MSN: variants seen among roughly 807,000 people sequenced by gnomAD.
MSN encodes the protein moesin.
MSN carries 2 observed loss-of-function variants against 48.0 expected under a neutral mutation model. That is an observed-to-expected ratio of 0.04 (90% CI 0.02 to 0.13). The LOEUF (loss-of-function observed/expected upper bound fraction) is 0.13, where lower values mean the gene tolerates loss of function less well. MSN is among the 10% of genes least tolerant of loss of function. The pLI, the probability that MSN is intolerant of heterozygous loss-of-function variation, is 1.00. For synonymous variants in MSN, 146 were observed against 166.9 expected, an observed-to-expected ratio of 0.87 and a Z score of 0.97; for missense variants, 267 against 470.1, an observed-to-expected ratio of 0.57 and a Z score of 3.99.
chrX:65,645,250 G>A (rs962320800), intron 1 of MSN, among the ~76,000 whole-genome samples: 2 of 111,922 alleles, frequency 1.8e-5, no homozygotes, highest in African/African-American at 6.5e-5. Context: ...TCTGATAGCT[G>A]ATAGCTGGCC....
Position 65,732,116 on chromosome X carries a change from T to C in MSN, c.698+132T>C, listed in dbSNP as rs1295524084. The C allele has an allele frequency of 2.1e-5, 14 of 682,436 alleles. No homozygotes were observed. In the East Asian group the frequency reaches 4.6e-4, roughly 23 times the overall value. 56.2% of individuals were successfully genotyped at this position (682,436 alleles called of 1,213,427 possible). ...TCTACCTAATTTAGTCCAGCCCAGA[T>C]GATTTCACAACTTCCCTTAGTCAAT... is the stretch of plus-strand genomic sequence containing the variant. On this transcript the variant is annotated intron_variant, in intron 6 of 12. Coordinates refer to ENST00000360270, the MANE Select transcript of MSN (RefSeq NM_002444.3).
intron 1 of MSN, among the ~76,000 whole-genome samples, chrX:65,689,440 G>T (rs2071150250): frequency 8.9e-6 from 1 of 111,777 alleles, no homozygotes; most frequent in South Asian, 3.7e-4. Context: ...GGCATCATTA[G>T]AGGCCGGATG....
intron 1 of MSN, among the ~76,000 whole-genome samples, chrX:65,653,580 G>T (rs1485567443): frequency 9.1e-6 from 1 of 109,537 alleles, no homozygotes; most frequent in African/African-American, 3.3e-5. Context: ...AGATTAGGCC[G>T]AACAACACAC....
intron 1 of MSN, among the ~76,000 whole-genome samples, chrX:65,617,583 T>A (rs1304401048): frequency 9.5e-6 from 1 of 105,277 alleles, no homozygotes; most frequent in African/African-American, 3.7e-5. Flanking sequence ...TGCGTCTATT[T>A]GATTCTTCTC....
intron 1 of MSN, among the ~76,000 whole-genome samples, chrX:65,602,555 C>T (rs1489126558): frequency 9.0e-6 from 1 of 110,953 alleles, no homozygotes; most frequent in South Asian, 3.9e-4. Context: ...CTCATCAAGC[C>T]TCCTAGATGG....
chrX:65,729,698 G>C lies in MSN; in HGVS notation c.453G>C (p.Lys151Asn). ...AGTCTGGCTACCTGGCCGGAGACAA[G>C]TTGCTCCCGCAGAGGTGAGGTGGTT... ...VHKSGYLAGDKLLPQRVLEQH... is the reference protein window; with the variant it reads ...VHKSGYLAGDNLLPQRVLEQH... The change falls in exon 4 of 13, where the codon AAG (lysine) becomes AAC (asparagine). Residue 151 changes from lysine (K) to asparagine (N), a missense_variant. Lys to Asn is a moderately conservative substitution (Grantham distance 94). Around this residue, in one of 5 missense-constraint regions of MSN, gnomAD observed 89 missense variants for 151.0 expected, o/e 0.59. Transcript: ENST00000360270. 2 of 1,210,650 alleles carry C rather than the reference G, an allele frequency of 1.7e-6. No homozygotes were observed. Among genetic ancestry groups the C allele is most frequent in the Non-Finnish European group, 2.2e-6 (2 of 894,805 alleles).
At chrX:65,596,193 G>A (rs1450277128) in intron 1 of MSN, among the ~76,000 whole-genome samples, 1 of 111,387 alleles carries the variant, frequency 9.0e-6, no homozygotes, top group Middle Eastern at 4.2e-3. Context: ...GTAGAACTGG[G>A]ACTGAATGGA....
At chrX:65,725,441 A>G (rs1221235610) in intron 2 of MSN, among the ~76,000 whole-genome samples, 1 of 103,648 alleles carries the variant, frequency 9.6e-6, no homozygotes, top group Middle Eastern at 4.5e-3. Context: ...TCTCAGCTGG[A>G]TTGTTTCTTG....
In MSN at chrX:65,741,275, C is replaced by T; in HGVS notation, c.*1382C>T. ...TCTCTGTCTCATGTGTGCTCTTCTT[C>T]TTTCTACAGTATTATGTACTCTACT... On this transcript the variant is annotated 3_prime_UTR_variant, in exon 13 of 13. Transcript: ENST00000360270. 1 of 168,602 alleles carries T rather than the reference C, an allele frequency of 5.9e-6. No homozygotes were observed. The allele number at this position is 168,602 out of a possible 1,213,427, so 13.9% of individuals were successfully genotyped here.
intron 1 of MSN, among the ~76,000 whole-genome samples, chrX:65,704,495 C>T (rs933999529): frequency 9.0e-6 from 1 of 111,169 alleles, no homozygotes; most frequent in Non-Finnish European, 1.9e-5. Context: ...AAACAGGGCT[C>T]TCTGAGTTCT....
At chrX:65,670,912 A>ATATATATATATATT (rs2070930254) in intron 1 of MSN, among the ~76,000 whole-genome samples, 12 of 35,158 alleles carry the variant, frequency 3.4e-4, no homozygotes, top group African/African-American at 1.4e-3. Context: ...ATATATATAT[A>ATATATATATATATT]TATATATATA....
intron 1 of MSN, among the ~76,000 whole-genome samples, chrX:65,710,673 T>C (rs973631382): frequency 3.6e-5 from 4 of 111,906 alleles, no homozygotes; most frequent in Non-Finnish European, 5.6e-5. Flanking sequence ...ACCCTTTTTT[T>C]AAGGTTTCTT....
At chrX:65,603,257 G>A (rs988004192) in intron 1 of MSN, among the ~76,000 whole-genome samples, 1 of 112,117 alleles carries the variant, frequency 8.9e-6, no homozygotes, top group Admixed American at 9.5e-5. Flanking sequence ...TCACGCCACT[G>A]CACTTCAGCC....
Position 65,739,132 on chromosome X carries a change from C to T in MSN, c.1507C>T (p.Arg503Cys). The stretch of plus-strand genomic sequence containing the variant: ...ACGGGCTGATGCTATGGCCAAGGAC[C>T]GCAGTGAGGAGGAACGTACCACTGA... ...DLRADAMAKD[R>C]SEEERTTEAE... Residue 503 changes from arginine (R) to cysteine (C), a missense_variant, in exon 12 of 13, where the codon CGC (arginine) becomes TGC (cysteine). Around this residue, in one of 5 missense-constraint regions of MSN, gnomAD observed 48 missense variants for 115.5 expected, o/e 0.42. Transcript: ENST00000360270. The T allele has an allele frequency of 8.3e-7, 1 of 1,211,573 alleles. No homozygotes were observed.
chrX:65,696,618 T>C (rs2071244204), intron 1 of MSN, among the ~76,000 whole-genome samples: 1 of 111,069 alleles, frequency 9.0e-6, no homozygotes, highest in Admixed American at 9.6e-5. Context: ...TGTGGGGGGC[T>C]AGATAGGTTC....
At chrX:65,695,557 A>G (rs2071228189) in intron 1 of MSN, among the ~76,000 whole-genome samples, 1 of 106,621 alleles carries the variant, frequency 9.4e-6, no homozygotes, top group South Asian at 4.3e-4. Flanking sequence ...GTATGTTGTC[A>G]TGGGCTCCCT....
chrX:65,654,784 G>A (rs1316448881), intron 1 of MSN, among the ~76,000 whole-genome samples: 1 of 111,575 alleles, frequency 9.0e-6, no homozygotes, highest in Non-Finnish European at 1.9e-5. Context: ...GTCTTAGTAA[G>A]AGGAGAAGGG....
intron 1 of MSN, among the ~76,000 whole-genome samples, chrX:65,635,221 T>C (rs1206928509): frequency 9.0e-6 from 1 of 111,327 alleles, no homozygotes; most frequent in Non-Finnish European, 1.9e-5. Context: ...TCTTGTCTTT[T>C]CTTCTCTCTC....
chrX:65,697,211 G>C (rs1438811439), intron 1 of MSN, among the ~76,000 whole-genome samples: 2 of 108,117 alleles, frequency 1.8e-5, no homozygotes, highest in African/African-American at 6.8e-5. Context: ...TGGGTGGGGG[G>C]TTGGGGACAT....
Sources: allele counts gnomAD v4.1 joint callset (sites outside exome capture counted in the v4.1 genomes callset), GRCh38; gene constraint gnomAD v4.1.1; regional missense constraint gnomAD v4.1.1; transcripts MANE v1.5; gene names NCBI Gene and HGNC (gene_info 2026-07-23, HGNC 2026-07-21).